The following ATG10 variants were observed in gnomAD, a reference collection of about 807,000 sequenced individuals.
The protein encoded by ATG10 is ubiquitin-like-conjugating enzyme ATG10.
In ATG10, 30 loss-of-function variants were observed where a neutral mutation model predicts 32.1. That is an observed-to-expected ratio of 0.94 (90% CI 0.70 to 1.27). ATG10 has a LOEUF of 1.27. Ranked by LOEUF, ATG10 falls within the 50% of genes most tolerant of loss-of-function variation. The probability of loss-of-function intolerance (pLI) is 0.00; values close to 1 mark genes in which losing one functional copy is unlikely to be tolerated. For missense variants in ATG10, 233 were observed against 262.3 expected, an observed-to-expected ratio of 0.89 and a Z score of 0.77; for synonymous variants, 87 against 91.5, an observed-to-expected ratio of 0.95 and a Z score of 0.28.
intron 5 of ATG10, among the ~76,000 whole-genome samples, chr5:82,201,918 T>G (rs1187529002): frequency 6.6e-6 from 1 of 152,232 alleles, no homozygotes; most frequent in African/African-American, 2.4e-5. Flanking sequence ...CTGTTAAATT[T>G]TCAAATTCTA....
chr5:82,159,140 A>G (rs1380005671), intron 3 of ATG10, among the ~76,000 whole-genome samples: 1 of 152,170 alleles, frequency 6.6e-6, no homozygotes, highest in African/African-American at 2.4e-5. Flanking sequence ...TGATACCACA[A>G]CAGTAGATCT....
intron 2 of ATG10, among the ~76,000 whole-genome samples, chr5:82,022,254 A>T (rs1762462648): frequency 6.6e-6 from 1 of 151,838 alleles, no homozygotes; most frequent in South Asian, 2.1e-4. Context: ...GATACAGAAG[A>T]CTGGATGTAT....
intron 2 of ATG10, chr5:82,009,467 A>G: frequency 4.4e-6 from 3 of 683,304 alleles, no homozygotes; most frequent in Non-Finnish European, 7.5e-6. Flanking sequence ...CAAGGAAAAC[A>G]TGGAACCCAA....
intron 5 of ATG10, among the ~76,000 whole-genome samples, chr5:82,224,190 TGATTA>T (rs1488029414): frequency 6.6e-6 from 1 of 152,092 alleles, no homozygotes; most frequent in Non-Finnish European, 1.5e-5. Flanking sequence ...CTCTTTTCTG[TGATTA>T]GGGGCAGTCT....
intron 3 of ATG10, among the ~76,000 whole-genome samples, chr5:82,065,390 G>T (rs543421771): frequency 1.3e-4 from 20 of 151,838 alleles, no homozygotes; most frequent in Non-Finnish European, 2.5e-4. Flanking sequence ...GCTGAGGCAG[G>T]AGAATTGCTT....
At chr5:82,222,482 T>A (rs1745968715) in intron 5 of ATG10, among the ~76,000 whole-genome samples, 1 of 152,244 alleles carries the variant, frequency 6.6e-6, no homozygotes, top group African/African-American at 2.4e-5. Flanking sequence ...AGTACTGTTA[T>A]TAATGATCTT....
chr5:82,082,121 A>G (rs1047622876), intron 3 of ATG10, among the ~76,000 whole-genome samples: 2 of 152,116 alleles, frequency 1.3e-5, no homozygotes, highest in African/African-American at 4.8e-5. Flanking sequence ...ACACATGGGA[A>G]TTGTGGGAGT....
chr5:82,108,858 AG>A (rs1161513915), intron 3 of ATG10, among the ~76,000 whole-genome samples: 2 of 151,170 alleles, frequency 1.3e-5, no homozygotes, highest in African/African-American at 4.8e-5. Flanking sequence ...ATGTAAGGGA[AG>A]GAACAGCTAG....
intron 1 of ATG10, among the ~76,000 whole-genome samples, chr5:81,985,594 T>G (rs1421503899): frequency 6.6e-6 from 1 of 152,176 alleles, no homozygotes; most frequent in Non-Finnish European, 1.5e-5. Flanking sequence ...TCTTACTCAA[T>G]GCACCACCAC....
At chr5:82,190,344 T>C (rs1443905276) in intron 5 of ATG10, among the ~76,000 whole-genome samples, 1 of 151,820 alleles carries the variant, frequency 6.6e-6, no homozygotes, top group African/African-American at 2.4e-5. Flanking sequence ...ATCTATAATG[T>C]ATATTCATAT....
chr5:82,008,953 C>T (rs1762055329), intron 2 of ATG10, among the ~76,000 whole-genome samples: 1 of 152,190 alleles, frequency 6.6e-6, no homozygotes, highest in African/African-American at 2.4e-5. Flanking sequence ...ATCACCATCT[C>T]AGCATGATAG....
chr5:82,165,914 T>G (rs1373289786), intron 4 of ATG10, among the ~76,000 whole-genome samples: 1 of 152,306 alleles, frequency 6.6e-6, no homozygotes, highest in Admixed American at 6.5e-5. Context: ...TCTTCAATAC[T>G]GTACTTTCAT....
intron 5 of ATG10, among the ~76,000 whole-genome samples, chr5:82,196,412 T>C (rs1561351709): frequency 2.0e-5 from 3 of 152,188 alleles, no homozygotes; most frequent in Non-Finnish European, 2.9e-5. Flanking sequence ...TATTTTTTTA[T>C]TAGATTTATT....
chr5:82,033,753 CACACACAT>C (rs1361045297), intron 2 of ATG10, among the ~76,000 whole-genome samples: 1 of 151,048 alleles, frequency 6.6e-6, no homozygotes, highest in African/African-American at 2.4e-5. Context: ...CACACACACA[CACACACAT>C]ATGTGTGTAT....
chr5:81,996,094 A>G (rs181635385), intron 2 of ATG10, among the ~76,000 whole-genome samples: 61 of 152,272 alleles, frequency 4.0e-4, no homozygotes, highest in Admixed American at 1.9e-3. Flanking sequence ...AATTTACTTC[A>G]CTACTTAATT....
chr5:82,060,835 G>C (rs1337333046), intron 3 of ATG10, among the ~76,000 whole-genome samples: 1 of 151,746 alleles, frequency 6.6e-6, no homozygotes, highest in Non-Finnish European at 1.5e-5. Context: ...GTGGGTGACA[G>C]AGTGAGACCT....
intron 3 of ATG10, among the ~76,000 whole-genome samples, chr5:82,081,725 A>G (rs991768799): frequency 6.6e-5 from 10 of 152,290 alleles, no homozygotes; most frequent in African/African-American, 2.4e-4. Context: ...ATCATGGTGG[A>G]TAAGCTTTTG....
chr5:82,010,985 A>G (rs1187515720), intron 2 of ATG10, among the ~76,000 whole-genome samples: 1 of 152,238 alleles, frequency 6.6e-6, no homozygotes, highest in African/African-American at 2.4e-5. Context: ...GACTTGTCCA[A>G]CTTGGAGCTA....
chr5:81,973,842 T>C (rs1047995953), intron 1 of ATG10, among the ~76,000 whole-genome samples: 1 of 152,244 alleles, frequency 6.6e-6, no homozygotes, highest in Non-Finnish European at 1.5e-5. Context: ...AAAATTGTTA[T>C]TGATATTTTA....
Sources: gnomAD v4.1 joint callset for allele counts (sites outside exome capture counted in the v4.1 genomes callset) on GRCh38, gnomAD v4.1.1 for gene constraint, MANE v1.5 for transcripts, NCBI Gene and HGNC (gene_info 2026-07-23, HGNC 2026-07-21) for gene names.